JAM2: variants seen among roughly 807,000 people sequenced by gnomAD.
The protein encoded by JAM2 is junctional adhesion molecule B.
In JAM2, 17 loss-of-function variants were observed where a neutral mutation model predicts 42.0. The observed-to-expected ratio is 0.40, with a 90% CI of 0.28 to 0.61. JAM2 has a LOEUF of 0.61. JAM2 is among the 20% of genes least tolerant of loss of function. JAM2 has a pLI of 0.37. For missense variants in JAM2, 319 were observed against 358.3 expected, an observed-to-expected ratio of 0.89 and a Z score of 0.89; for synonymous variants, 118 against 128.6, an observed-to-expected ratio of 0.92 and a Z score of 0.56.
intron 4 of JAM2, among the ~76,000 whole-genome samples, chr21:25,695,123 T>C (rs925838308): frequency 6.6e-6 from 1 of 152,128 alleles, no homozygotes; most frequent in Non-Finnish European, 1.5e-5. Flanking sequence ...CAGAGGACCC[T>C]GCGGCCTTCC....
At chr21:25,690,387 G>A (rs957601712) in intron 3 of JAM2, among the ~76,000 whole-genome samples, 11 of 151,620 alleles carry the variant, frequency 7.3e-5, no homozygotes, top group Non-Finnish European at 1.5e-4. Context: ...GGAGCACAGT[G>A]GTATGATCAT....
chr21:25,703,253 C>G (rs1005328627), intron 6 of JAM2, among the ~76,000 whole-genome samples: 2 of 152,146 alleles, frequency 1.3e-5, no homozygotes, highest in Non-Finnish European at 2.9e-5. Flanking sequence ...TCTACCTTTG[C>G]CTTCTCTTAA....
At chr21:25,711,315 G>A (rs990105662) in intron 8 of JAM2, 8 of 418,820 alleles carry the variant, frequency 1.9e-5, no homozygotes, top group African/African-American at 8.2e-5. Context: ...GCTCCCCAAC[G>A]CCCTGTAGTT....
rs984976786 is a variant in JAM2 at position 25,712,401 on chromosome 21, T to C, written c.864+19T>C. 6.5e-6 allele frequency: 10 copies of C among 1,528,544 alleles called. No homozygotes were observed. Among genetic ancestry groups the C allele is most frequent in the Non-Finnish European group, 9.1e-6 (10 of 1,104,650 alleles). The allele number at this position is 1,528,544 out of a possible 1,614,324, so 94.7% of individuals were successfully genotyped here. On this transcript the variant is annotated intron_variant, in intron 9 of 9. Transcript: ENST00000480456. ...TGAAAATGTGAGTATCTTTAAAGCA[T>C]ATTTATAGAATGAATATGTTTGGGG...
intron 1 of JAM2, among the ~76,000 whole-genome samples, chr21:25,675,822 T>C (rs1224518490): frequency 6.6e-6 from 1 of 152,092 alleles, no homozygotes; most frequent in Admixed American, 6.6e-5. Context: ...ACATGAGATT[T>C]GGGTGGGACA....
chr21:25,659,588 C>T (rs934071426), intron 1 of JAM2, among the ~76,000 whole-genome samples: 2 of 152,104 alleles, frequency 1.3e-5, no homozygotes, highest in African/African-American at 4.8e-5. Flanking sequence ...AATTAGGGTT[C>T]AGGCACTTAT....
intron 3 of JAM2, among the ~76,000 whole-genome samples, chr21:25,692,902 T>C (rs1412912157): frequency 1.3e-5 from 2 of 152,242 alleles, no homozygotes; most frequent in African/African-American, 2.4e-5. Flanking sequence ...CCCTGTTTTA[T>C]GTGAGTGAAG....
chr21:25,711,670 T>G (rs892987253), intron 8 of JAM2: 2 of 271,848 alleles, frequency 7.4e-6, no homozygotes, highest in Non-Finnish European at 7.2e-6. Flanking sequence ...AAAGTGTTGC[T>G]ACTTCCCACC....
chr21:25,684,144 A>G (rs972760356), intron 2 of JAM2, among the ~76,000 whole-genome samples, 196 bp downstream of exon 2: 7 of 152,338 alleles, frequency 4.6e-5, no homozygotes, highest in African/African-American at 1.7e-4. Context: ...TCGATATTCA[A>G]TAAAAGACCG....
Position 25,698,871 on chromosome 21 carries a change from G to A in JAM2, c.589G>A (p.Gly197Arg). 6.2e-7 allele frequency: 1 copy of A among 1,613,708 alleles called. No individual in the cohort carries two copies. ...CTCATACACAATGAATACAAAAACTGGAACTCTGGTAAGGTCATTTCAAGA... is the reference window on the plus strand; with the variant it reads ...CTCATACACAATGAATACAAAAACTAGAACTCTGGTAAGGTCATTTCAAGA... ...NSSYTMNTKTGTLQFNTVSKL... is the reference protein window; with the variant it reads ...NSSYTMNTKTRTLQFNTVSKL... Residue 197 changes from glycine to arginine, a missense_variant, in exon 5 of 10, where the codon GGA (glycine) becomes AGA (arginine). Physicochemically the swap from Gly to Arg is moderately radical, Grantham distance 125. Coordinates refer to ENST00000480456, the MANE Select transcript of JAM2 (RefSeq NM_021219.4).
Position 25,689,882 on chromosome 21 carries a change from C to T in JAM2, c.150C>T (p.Cys50=). ...AVEYQEAILA[C]KTPKKTVSSR... is the part of the protein sequence containing the mutation. ...TGTTCCTAGAGGCTATTTTAGCCTG[C>T]AAAACCCCAAAGAAGACTGTTTCCT... The change falls in exon 3 of 10, where the codon TGC becomes TGT. Residue 50 remains cysteine, a synonymous_variant. Coordinates refer to ENST00000480456, the MANE Select transcript of JAM2 (RefSeq NM_021219.4). The T allele has an allele frequency of 6.2e-7, 1 of 1,612,656 alleles. No homozygotes were observed.
chr21:25,657,433 A>T (rs9980213), intron 1 of JAM2, among the ~76,000 whole-genome samples: 1 of 152,194 alleles, frequency 6.6e-6, no homozygotes, highest in Non-Finnish European at 1.5e-5. Flanking sequence ...AAACTCATTA[A>T]TTTTATGAAT....
chr21:25,699,115 G>C (rs1360893834), intron 5 of JAM2, among the ~76,000 whole-genome samples: 4 of 152,158 alleles, frequency 2.6e-5, no homozygotes, highest in Admixed American at 2.6e-4. Context: ...ACCAGTAAAA[G>C]AGCAAAGGGG....
At chr21:25,679,048 C>T (rs2033566927) in intron 1 of JAM2, among the ~76,000 whole-genome samples, 1 of 152,194 alleles carries the variant, frequency 6.6e-6, no homozygotes, top group South Asian at 2.1e-4. Context: ...AAGTGATCCT[C>T]CTTCCTTGGC....
At chr21:25,654,187 A>C (rs977107685) in intron 1 of JAM2, among the ~76,000 whole-genome samples, 1 of 152,242 alleles carries the variant, frequency 6.6e-6, no homozygotes, top group Non-Finnish European at 1.5e-5. Context: ...CAAAGAAAAT[A>C]GATAATGAAA....
In JAM2 at chr21:25,669,158, AGCCCACAAGTTTGAGACCAGCTTGG is replaced by A. The variant is rs1394913724; in HGVS notation, c.68-14722_68-14698del. On this transcript the variant is annotated intron_variant, in intron 1 of 9. Coordinates refer to ENST00000480456, the MANE Select transcript of JAM2 (RefSeq NM_021219.4). Reference sequence around the variant, plus strand: ...GAGGCTGAAGCAAGCAGATCACTTGAGCCCACAAGTTTGAGACCAGCTTGGGCAACACGGTGAAACCCCATTTCTA... The same window carrying A: ...GAGGCTGAAGCAAGCAGATCACTTGAGCAACACGGTGAAACCCCATTTCTA... Among the ~76,000 whole-genome samples the A allele has an allele frequency of 2.0e-5, 3 of 152,248 alleles. No homozygotes were observed. In the East Asian group the frequency reaches 5.8e-4, roughly 29 times the overall value.
At chr21:25,671,198 C>A (rs1440407522) in intron 1 of JAM2, among the ~76,000 whole-genome samples, 1 of 152,120 alleles carries the variant, frequency 6.6e-6, no homozygotes, top group African/African-American at 2.4e-5. Flanking sequence ...TTTCTCCCAG[C>A]TTTGTGGGTG....
chr21:25,708,334 C>T (rs951549638), intron 7 of JAM2, among the ~76,000 whole-genome samples: 1 of 151,872 alleles, frequency 6.6e-6, no homozygotes, highest in African/African-American at 2.4e-5. Context: ...TTTGGGAGGC[C>T]GAGGCAGGAG....
intron 1 of JAM2, among the ~76,000 whole-genome samples, chr21:25,646,200 C>T (rs1315362500): frequency 6.6e-6 from 1 of 152,036 alleles, no homozygotes; most frequent in East Asian, 1.9e-4. Flanking sequence ...CATTGTTGAC[C>T]AAAATGTCAT....
Sources: allele counts gnomAD v4.1 joint callset (sites outside exome capture counted in the v4.1 genomes callset), GRCh38; gene constraint gnomAD v4.1.1; transcripts MANE v1.5; gene names NCBI Gene and HGNC (gene_info 2026-07-23, HGNC 2026-07-21).